The following DPY19L2 variants were observed in gnomAD, a reference collection of about 807,000 sequenced individuals.
The protein encoded by DPY19L2 is probable C-mannosyltransferase DPY19L2.
In DPY19L2, 34 loss-of-function variants were observed where a neutral mutation model predicts 97.9. The ratio of observed to expected loss-of-function variants is 0.35; its 90% confidence interval spans 0.26 to 0.46. The LOEUF is 0.46. DPY19L2 is among the 20% of genes least tolerant of loss of function. DPY19L2 has a pLI of 1.00. For synonymous variants in DPY19L2, 230 were observed against 307.9 expected, an observed-to-expected ratio of 0.75 and a Z score of 2.65; for missense variants, 623 against 911.4, an observed-to-expected ratio of 0.68 and a Z score of 4.07.
At chr12:63,582,107 C>T (rs1362748868) in intron 18 of DPY19L2, among the ~76,000 whole-genome samples, 10 of 151,758 alleles carry the variant, frequency 6.6e-5, no homozygotes, top group Non-Finnish European at 1.5e-5. Context: ...GGCACTCTTA[C>T]ACAAACCTGA....
At chr12:63,637,324 G>A (rs919445220) in intron 6 of DPY19L2, among the ~76,000 whole-genome samples, 3 of 152,026 alleles carry the variant, frequency 2.0e-5, no homozygotes, top group African/African-American at 4.8e-5. Context: ...ATGCCCACAA[G>A]AGAAAGCAGG....
chr12:63,615,988 C>T lies in DPY19L2; in HGVS notation c.1218+1316G>A, dbSNP rs555478154. 7.7e-4 allele frequency among the ~76,000 whole-genome samples: 117 copies of T among 152,180 alleles called. 1 individual carries two copies. The highest frequency in any genetic ancestry group is 2.8e-3 in the African/African-American group (115 of 41,512). On this transcript the variant is annotated intron_variant, in intron 11 of 21. Transcript: ENST00000324472. ...ACAAATGAAAAAACAATACAGTATACAACTATTTGCATAGTATTTATATTG... is the reference window on the plus strand; with the variant it reads ...ACAAATGAAAAAACAATACAGTATATAACTATTTGCATAGTATTTATATTG...
At chr12:63,638,015 C>G (rs540661692) in intron 6 of DPY19L2, among the ~76,000 whole-genome samples, 1 of 152,296 alleles carries the variant, frequency 6.6e-6, no homozygotes, top group East Asian at 1.9e-4. Context: ...CCACCATGAT[C>G]AAGTGGCCTT....
chr12:63,614,709 T>C (rs1483266071), intron 11 of DPY19L2, among the ~76,000 whole-genome samples: 2 of 152,014 alleles, frequency 1.3e-5, no homozygotes, highest in African/African-American at 2.4e-5. Flanking sequence ...CCCTACATTC[T>C]TGAATTTGAT....
chr12:63,661,033 G>A (rs1348181088), intron 4 of DPY19L2: 4 of 171,254 alleles, frequency 2.3e-5, no homozygotes, highest in African/African-American at 7.1e-5. Flanking sequence ...CACCCACGAG[G>A]TGTCCAAAGC....
chr12:63,667,081 C>A (rs1377072912), intron 1 of DPY19L2, among the ~76,000 whole-genome samples: 1 of 152,076 alleles, frequency 6.6e-6, no homozygotes, highest in Admixed American at 6.5e-5. Flanking sequence ...CCAGGATAGG[C>A]AAAGTATGGC....
At chr12:63,663,638 G>A (rs938641865) in intron 3 of DPY19L2, 120 bp downstream of exon 3, 4 of 811,510 alleles carry the variant, frequency 4.9e-6, no homozygotes, top group African/African-American at 3.6e-5. Context: ...ATAAACCTGG[G>A]TTATAGCTTA....
At chr12:63,587,496 A>C (rs1332234127) in intron 16 of DPY19L2, among the ~76,000 whole-genome samples, 1 of 151,180 alleles carries the variant, frequency 6.6e-6, no homozygotes, top group East Asian at 1.9e-4. Context: ...ATCTCAATAG[A>C]TAGCAAGTTA....
At chr12:63,652,671 G>A (rs1894426893) in intron 4 of DPY19L2, among the ~76,000 whole-genome samples, 1 of 152,176 alleles carries the variant, frequency 6.6e-6, no homozygotes, top group African/African-American at 2.4e-5. Context: ...ATTAATGCAG[G>A]AACGGAAAAC....
chr12:63,602,147 T>A (rs1379076210), intron 12 of DPY19L2, among the ~76,000 whole-genome samples: 1 of 151,368 alleles, frequency 6.6e-6, no homozygotes, highest in Non-Finnish European at 1.5e-5. Flanking sequence ...CATTCAGAAA[T>A]ATTAAAAAAG....
At chr12:63,623,865 C>T (rs1405131191) in intron 8 of DPY19L2, 175 bp downstream of exon 8, 18 of 462,058 alleles carry the variant, frequency 3.9e-5, no homozygotes, top group Non-Finnish European at 4.9e-5. Flanking sequence ...CCACCATGCC[C>T]GGCTAATTTT....
At chr12:63,646,611 T>C (rs1893444523) in intron 5 of DPY19L2, among the ~76,000 whole-genome samples, 1 of 152,186 alleles carries the variant, frequency 6.6e-6, no homozygotes, top group Admixed American at 6.5e-5. Flanking sequence ...CAAGTGGCTC[T>C]GAATGAGAGT....
Position 63,617,338 on chromosome 12 carries a change from G to C in DPY19L2, c.1184C>G (p.Ser395Cys). Residue 395 changes from serine (S) to cysteine (C), a missense_variant, in exon 11 of 22, where the codon TCT becomes TGT. Physicochemically the swap from Ser to Cys is moderately radical, Grantham distance 112. Coordinates refer to ENST00000324472, the MANE Select transcript of DPY19L2 (RefSeq NM_173812.5). ...TAACAAAGATGAAGAATAATAAGAA[G>C]ATAAGTACATTGAATTTCCAAACAT... ...ILMFGNSMYLSSYYSSSLLMT... is the reference protein window; with the variant it reads ...ILMFGNSMYLCSYYSSSLLMT... 1 of 1,594,746 alleles carries C rather than the reference G, an allele frequency of 6.3e-7. No homozygotes were observed. Among genetic ancestry groups the C allele is most frequent in the Non-Finnish European group, 8.6e-7 (1 of 1,166,250 alleles).
At chr12:63,573,141 A>G (rs1384009831) in intron 19 of DPY19L2, among the ~76,000 whole-genome samples, 1 of 152,162 alleles carries the variant, frequency 6.6e-6, no homozygotes, top group Non-Finnish European at 1.5e-5. Context: ...AGACAGAGAT[A>G]TGTGGCCTTT....
intron 2 of DPY19L2, among the ~76,000 whole-genome samples, chr12:63,665,297 C>T (rs1896196952): frequency 6.6e-6 from 1 of 151,930 alleles, no homozygotes; most frequent in African/African-American, 2.4e-5. Flanking sequence ...CATGGTGAAA[C>T]CTCGTCTCCA....
chr12:63,573,682 CA>C (rs1879305809), intron 19 of DPY19L2, among the ~76,000 whole-genome samples: 1 of 152,080 alleles, frequency 6.6e-6, no homozygotes, highest in Non-Finnish European at 1.5e-5. Context: ...ATCCTAAAAG[CA>C]GCAAGAGAAA....
At chr12:63,666,819 G>T (rs1331635263) in intron 1 of DPY19L2, among the ~76,000 whole-genome samples, 5 of 151,936 alleles carry the variant, frequency 3.3e-5, no homozygotes, top group African/African-American at 4.8e-5. Flanking sequence ...ATTTCTTATG[G>T]TTATCCTAAA....
At chr12:63,663,238 C>T (rs975786667) in intron 3 of DPY19L2, among the ~76,000 whole-genome samples, 3 of 152,010 alleles carry the variant, frequency 2.0e-5, no homozygotes, top group African/African-American at 4.8e-5. Context: ...TTTGCTATCC[C>T]GCTTACTCCT....
chr12:63,649,261 T>C (rs1461082742), intron 4 of DPY19L2, among the ~76,000 whole-genome samples: 1 of 152,016 alleles, frequency 6.6e-6, no homozygotes, highest in Non-Finnish European at 1.5e-5. Context: ...ACATCACACC[T>C]AGAGGAACCA....
Sources: gnomAD v4.1 joint callset for allele counts (sites outside exome capture counted in the v4.1 genomes callset) on GRCh38, gnomAD v4.1.1 for gene constraint, MANE v1.5 for transcripts, NCBI Gene and HGNC (gene_info 2026-07-23, HGNC 2026-07-21) for gene names.